EPHA6: variants seen among roughly 807,000 people sequenced by gnomAD.
EPHA6 encodes the protein ephrin type-A receptor 6.
Under a neutral mutation model 112.0 loss-of-function variants are expected in EPHA6, and 50 were observed. The ratio of observed to expected loss-of-function variants is 0.45; its 90% CI spans 0.36 to 0.56. The LOEUF (loss-of-function observed/expected upper bound fraction) is 0.56. Ranked by LOEUF, EPHA6 falls within the 20% of genes least tolerant of loss-of-function variation. The pLI, the probability that EPHA6 is intolerant of heterozygous loss-of-function variation, is 0.00. For missense variants in EPHA6, 1,280 were observed against 1,417.4 expected, an observed-to-expected ratio of 0.90 and a Z score of 1.56; for synonymous variants, 529 against 490.7, an observed-to-expected ratio of 1.08 and a Z score of -1.03.
chr3:96,937,162 C>T (rs1179628261), intron 2 of EPHA6, among the ~76,000 whole-genome samples: 1 of 152,126 alleles, frequency 6.6e-6, no homozygotes, highest in Admixed American at 6.5e-5. Flanking sequence ...ATTTCTAGTT[C>T]TAGATCCCTG....
At chr3:96,921,457 T>C (rs2039759320) in intron 2 of EPHA6, among the ~76,000 whole-genome samples, 1 of 152,170 alleles carries the variant, frequency 6.6e-6, no homozygotes, top group African/African-American at 2.4e-5. Context: ...ATATTCCTGA[T>C]TGTCATAAAT....
chr3:96,916,733 A>G (rs534544952), intron 2 of EPHA6, among the ~76,000 whole-genome samples: 2 of 152,286 alleles, frequency 1.3e-5, no homozygotes, highest in Admixed American at 6.5e-5. Context: ...TTTGATTAAA[A>G]TGACTTATTA....
intron 5 of EPHA6, among the ~76,000 whole-genome samples, chr3:97,388,030 G>A (rs1188770348): frequency 2.6e-5 from 4 of 152,128 alleles, no homozygotes; most frequent in Non-Finnish European, 4.4e-5. Flanking sequence ...GCACAATCAC[G>A]AGAACAGCAC....
intron 3 of EPHA6, among the ~76,000 whole-genome samples, chr3:97,095,086 TA>T (rs2047194034): frequency 1.3e-5 from 2 of 152,116 alleles, no homozygotes; most frequent in African/African-American, 4.8e-5. Flanking sequence ...TTAAAAGTAG[TA>T]AATACGGAAA....
intron 10 of EPHA6, among the ~76,000 whole-genome samples, chr3:97,496,045 C>T (rs753407223): frequency 3.9e-5 from 6 of 152,210 alleles, no homozygotes; most frequent in South Asian, 4.1e-4. Context: ...TTTTGAAAGA[C>T]GGACACAGCA....
intron 3 of EPHA6, among the ~76,000 whole-genome samples, chr3:97,192,301 A>G (rs1178639005): frequency 6.6e-6 from 1 of 151,800 alleles, no homozygotes; most frequent in African/African-American, 2.4e-5. Flanking sequence ...ACACAGGGCT[A>G]ATTTTTTGTT....
intron 5 of EPHA6, among the ~76,000 whole-genome samples, chr3:97,302,713 C>G (rs981884401): frequency 1.3e-5 from 2 of 151,738 alleles, no homozygotes; most frequent in Non-Finnish European, 2.9e-5. Flanking sequence ...AAGTTAAAGG[C>G]ACAGCAAGAC....
chr3:97,590,498 T>C (rs982997275), intron 11 of EPHA6, among the ~76,000 whole-genome samples: 1 of 152,206 alleles, frequency 6.6e-6, no homozygotes, highest in Non-Finnish European at 1.5e-5. Flanking sequence ...CAGGAAAAAC[T>C]CAGATAAAAA....
intron 11 of EPHA6, among the ~76,000 whole-genome samples, chr3:97,555,713 C>T (rs1200148272): frequency 2.6e-5 from 4 of 152,156 alleles, no homozygotes; most frequent in Non-Finnish European, 5.9e-5. Context: ...TTTTTGGCTG[C>T]ATAAGTGTCT....
intron 12 of EPHA6, among the ~76,000 whole-genome samples, chr3:97,594,192 T>C (rs1405754005): frequency 6.6e-6 from 1 of 152,198 alleles, no homozygotes; most frequent in Non-Finnish European, 1.5e-5. Flanking sequence ...AATAACATTA[T>C]GAAGTTTAAG....
intron 2 of EPHA6, among the ~76,000 whole-genome samples, chr3:96,953,349 G>C (rs572155351): frequency 6.6e-6 from 1 of 152,152 alleles, no homozygotes; most frequent in South Asian, 2.1e-4. Context: ...TGCCAGAATT[G>C]TATTTGTTTC....
chr3:96,847,526 G>A (rs932149191), intron 1 of EPHA6, among the ~76,000 whole-genome samples: 15 of 151,960 alleles, frequency 9.9e-5, no homozygotes, highest in Non-Finnish European at 2.1e-4. Context: ...GAAAGAAAAT[G>A]TATTATTATA....
At chr3:97,267,729 T>C (rs2079734438) in intron 5 of EPHA6, among the ~76,000 whole-genome samples, 1 of 151,996 alleles carries the variant, frequency 6.6e-6, no homozygotes, top group Non-Finnish European at 1.5e-5. Context: ...TGGGATAGGG[T>C]TAAGTTGGGG....
chr3:97,437,658 A>G (rs2089920534), intron 6 of EPHA6, among the ~76,000 whole-genome samples: 1 of 151,892 alleles, frequency 6.6e-6, no homozygotes. Flanking sequence ...GTAATACTCA[A>G]TTTTTTGGTT....
chr3:97,687,232 T>G (rs1005060143), intron 14 of EPHA6, among the ~76,000 whole-genome samples: 3 of 152,186 alleles, frequency 2.0e-5, no homozygotes, highest in African/African-American at 7.2e-5. Context: ...TATTTTAGTC[T>G]GCCGTAGATC....
intron 3 of EPHA6, among the ~76,000 whole-genome samples, chr3:97,071,874 C>T (rs1050004315): frequency 4.6e-5 from 7 of 151,912 alleles, no homozygotes; most frequent in Non-Finnish European, 1.0e-4. Context: ...TCACCCGTCC[C>T]GCATTTTCCC....
At chr3:97,185,802 T>C (rs1452245741) in intron 3 of EPHA6, among the ~76,000 whole-genome samples, 1 of 152,032 alleles carries the variant, frequency 6.6e-6, no homozygotes, top group African/African-American at 2.4e-5. Flanking sequence ...AGCAAAGACT[T>C]GGAACCAAGC....
chr3:97,362,465 A>G (rs1430273029), intron 5 of EPHA6, among the ~76,000 whole-genome samples: 1 of 152,032 alleles, frequency 6.6e-6, no homozygotes, highest in Non-Finnish European at 1.5e-5. Context: ...TAATTATTTT[A>G]CATTTATTAT....
At chr3:97,606,868 G>C (rs1228763082) in intron 12 of EPHA6, among the ~76,000 whole-genome samples, 1 of 150,850 alleles carries the variant, frequency 6.6e-6, no homozygotes, top group Non-Finnish European at 1.5e-5. Context: ...GGTCCAAAGA[G>C]TCCTGAGTTG....
Sources: allele counts gnomAD v4.1 joint callset (sites outside exome capture counted in the v4.1 genomes callset), GRCh38; gene constraint gnomAD v4.1.1; transcripts MANE v1.5; gene names NCBI Gene and HGNC (gene_info 2026-07-23, HGNC 2026-07-21).